Variants in KIAA1217 observed in about 807,000 individuals in gnomAD.
The protein encoded by KIAA1217 is sickle tail protein homolog.
KIAA1217 carries 88 observed loss-of-function variants against 163.9 expected under a neutral mutation model. That is an observed-to-expected ratio of 0.54 (90% CI 0.45 to 0.64). The LOEUF (loss-of-function observed/expected upper bound fraction) is 0.64. KIAA1217 is among the 30% of genes least tolerant of loss of function. KIAA1217 has a pLI of 0.00. For synonymous variants in KIAA1217, 903 were observed against 923.1 expected, an observed-to-expected ratio of 0.98 and a Z score of 0.39; for missense variants, 2,372 against 2,475.0, an observed-to-expected ratio of 0.96 and a Z score of 0.88.
intron 6 of KIAA1217, among the ~76,000 whole-genome samples, chr10:24,489,594 G>T (rs1252941144): frequency 3.3e-5 from 5 of 151,942 alleles, no homozygotes; most frequent in Admixed American, 6.5e-5. Flanking sequence ...AGTGGGCCAG[G>T]CATGGTGGCT....
At chr10:23,953,118 C>T (rs1295518993) in intron 1 of KIAA1217, among the ~76,000 whole-genome samples, 1 of 152,142 alleles carries the variant, frequency 6.6e-6, no homozygotes, top group Non-Finnish European at 1.5e-5. Context: ...GAACTGAGGA[C>T]TTTGTAAATA....
At chr10:23,828,155 C>T (rs893612462) in intron 1 of KIAA1217, among the ~76,000 whole-genome samples, 5 of 152,064 alleles carry the variant, frequency 3.3e-5, no homozygotes, top group African/African-American at 1.2e-4. Flanking sequence ...GGCTCTGAGC[C>T]CTTGTTTAGT....
intron 2 of KIAA1217, among the ~76,000 whole-genome samples, chr10:24,044,586 T>A (rs966179800): frequency 6.6e-6 from 1 of 152,018 alleles, no homozygotes; most frequent in African/African-American, 2.4e-5. Context: ...TTTTCCATGC[T>A]CCCCTCTCTG....
chr10:23,940,324 G>A (rs574297622), intron 1 of KIAA1217, among the ~76,000 whole-genome samples: 1 of 151,960 alleles, frequency 6.6e-6, no homozygotes, highest in African/African-American at 2.4e-5. Flanking sequence ...GCCAGGTGTG[G>A]TGGCAGGTGC....
chr10:23,971,142 A>T (rs553650072), intron 1 of KIAA1217, among the ~76,000 whole-genome samples: 44 of 152,310 alleles, frequency 2.9e-4, no homozygotes, highest in African/African-American at 1.1e-3. Flanking sequence ...CCGTGTGCAC[A>T]GTGGCCTGCC....
chr10:24,118,875 A>C (rs2063167809), intron 2 of KIAA1217, among the ~76,000 whole-genome samples: 1 of 152,146 alleles, frequency 6.6e-6, no homozygotes, highest in Non-Finnish European at 1.5e-5. Context: ...TTTTGAGCAA[A>C]AAAGCCTAAT....
At chr10:24,481,583 G>A (rs2064704900) in intron 6 of KIAA1217, 1 of 152,166 alleles carries the variant, frequency 6.6e-6, no homozygotes, top group Non-Finnish European at 1.5e-5. Context: ...ACGACGACAG[G>A]ACTAATAATA....
chr10:23,856,598 G>T (rs1839680591), intron 1 of KIAA1217, among the ~76,000 whole-genome samples: 2 of 152,252 alleles, frequency 1.3e-5, no homozygotes, highest in South Asian at 4.1e-4. Flanking sequence ...GTTTGTCTGT[G>T]ACCTGTGCCC....
intron 2 of KIAA1217, among the ~76,000 whole-genome samples, chr10:24,176,082 A>G (rs1231602670): frequency 2.6e-5 from 4 of 152,142 alleles, no homozygotes; most frequent in African/African-American, 9.7e-5. Flanking sequence ...TGATTGGTCC[A>G]TTTTACAGAG....
At chr10:24,389,384 CACACTGGGG>C (rs2054514642) in intron 3 of KIAA1217, among the ~76,000 whole-genome samples, 1 of 151,756 alleles carries the variant, frequency 6.6e-6, no homozygotes, top group Non-Finnish European at 1.5e-5. Context: ...GGGAATATCA[CACACTGGGG>C]CCTGTGGTGG....
intron 1 of KIAA1217, among the ~76,000 whole-genome samples, chr10:23,709,417 T>C (rs946589817): frequency 2.0e-5 from 3 of 151,824 alleles, no homozygotes; most frequent in African/African-American, 7.3e-5. Context: ...TGGTCCCAGG[T>C]ACTCAGGAGG....
chr10:24,405,510 T>G (rs2057112033), intron 3 of KIAA1217, among the ~76,000 whole-genome samples: 1 of 151,156 alleles, frequency 6.6e-6, no homozygotes. Context: ...CCAGAGAGAG[T>G]GATCAGAATG....
chr10:24,339,550 T>G (rs1271827425), intron 2 of KIAA1217, among the ~76,000 whole-genome samples: 1 of 152,222 alleles, frequency 6.6e-6, no homozygotes, highest in African/African-American at 2.4e-5. Flanking sequence ...TAATCAGGAA[T>G]TTTGGTGTTT....
rs189481888 is a variant in KIAA1217, at chr10:24,019,854, A to G, written c.-171+12480A>G. ...TAAAAAATAAAACAACTCTAAAAAG[A>G]AAAAAAGAAAAAGTACAATAATGGC... On this transcript the variant is annotated intron_variant, in intron 2 of 18. Coordinates refer to the KIAA1217 transcript ENST00000376462. Among the ~76,000 whole-genome samples, 130 of 152,152 alleles carry G rather than the reference A, an allele frequency of 8.5e-4. 1 individual carries two copies. Among genetic ancestry groups the G allele is most frequent in the African/African-American group, 3.0e-3 (124 of 41,562 alleles).
In KIAA1217 at chr10:23,996,622, A is replaced by G. The variant is rs1331955926; in HGVS notation, c.-320-10603A>G. On this transcript the variant is annotated intron_variant, in intron 1 of 18. Coordinates refer to the KIAA1217 transcript ENST00000376462. ...TCATACCAAAGTACTTGAAAACTGC[A>G]TTTTCCATGAAGATCCTAAGTCATA... Among the ~76,000 whole-genome samples, 3 of 152,296 alleles carry G rather than the reference A, an allele frequency of 2.0e-5. No individual in the cohort carries two copies. In the East Asian group the frequency reaches 5.8e-4, roughly 29 times the overall value.
At chr10:24,450,125 G>A (rs1209977836) in intron 5 of KIAA1217, among the ~76,000 whole-genome samples, 1 of 152,208 alleles carries the variant, frequency 6.6e-6, no homozygotes, top group Non-Finnish European at 1.5e-5. Context: ...GTGTTTTCAT[G>A]AAGTTGTTGA....
chr10:23,992,983 A>ACTTGCAG (rs1356791863), intron 1 of KIAA1217, among the ~76,000 whole-genome samples: 1 of 149,472 alleles, frequency 6.7e-6, no homozygotes, highest in Non-Finnish European at 1.5e-5. Context: ...TTTAAGAGCC[A>ACTTGCAG]CTTGCAGTCA....
intron 1 of KIAA1217, among the ~76,000 whole-genome samples, chr10:23,701,473 A>G (rs1408954200): frequency 6.6e-6 from 1 of 151,974 alleles, no homozygotes; most frequent in East Asian, 1.9e-4. Context: ...GTTTTTCACA[A>G]CTTTCCTGTC....
At chr10:24,287,155 A>C (rs2078624050) in intron 2 of KIAA1217, among the ~76,000 whole-genome samples, 1 of 152,046 alleles carries the variant, frequency 6.6e-6, no homozygotes, top group Non-Finnish European at 1.5e-5. Context: ...GGTTGAAGCA[A>C]TTCTCTTGCC....
Sources: allele counts gnomAD v4.1 joint callset (sites outside exome capture counted in the v4.1 genomes callset), GRCh38; gene constraint gnomAD v4.1.1; transcripts MANE v1.5; gene names NCBI Gene and HGNC (gene_info 2026-07-23, HGNC 2026-07-21).